Variants in KIF17 observed in about 807,000 individuals in gnomAD.
The protein encoded by KIF17 is kinesin-like protein KIF17.
Under a neutral mutation model 96.8 loss-of-function variants are expected in KIF17, and 80 were observed. The ratio of observed to expected loss-of-function variants is 0.83; its 90% CI spans 0.69 to 1.00. The LOEUF is 1.00. Among genes scored for constraint, KIF17 ranks in the 50% least tolerant of loss-of-function variants. KIF17 has a pLI of 0.00. For missense variants in KIF17, 1,280 were observed against 1,372.9 expected, an observed-to-expected ratio of 0.93 and a Z score of 1.07; for synonymous variants, 567 against 587.5, an observed-to-expected ratio of 0.97 and a Z score of 0.51.
In KIF17 at chr1:20,698,489, C is replaced by T. The variant is rs938076656; in HGVS notation, c.1124-1G>A. The T allele has an allele frequency of 4.4e-6, 7 of 1,608,816 alleles. No individual in the cohort carries two copies. Among genetic ancestry groups the T allele is most frequent in the Non-Finnish European group, 5.9e-6 (7 of 1,176,618 alleles). On this transcript the variant is annotated splice_acceptor_variant, in intron 5 of 14. Coordinates refer to ENST00000400463, the MANE Select transcript of KIF17 (RefSeq NM_001122819.3). LOFTEE classifies it high-confidence loss of function. ...GGGGGCACCTGCCTGGACAGCAGGG[C>T]TGGGGGAGAAACAGAAATTAGCAGC...
At chr1:20,714,199 T>C (rs546209925) in intron 2 of KIF17, among the ~76,000 whole-genome samples, 21 of 152,162 alleles carry the variant, frequency 1.4e-4, no homozygotes, top group South Asian at 6.2e-4. Context: ...TGGTGGTGGG[T>C]GCCTGTAGTC....
rs1557606328 is a variant in KIF17 at position 20,712,606 on chromosome 1, A to ATAGATATTATC, written c.480+847_480+848insGATAATATCTA. The stretch of plus-strand genomic sequence containing the variant: ...TCTATATATATATCTATATATATCT[A>ATAGATATTATC]TATATATATAATATAGATAATATCT... On this transcript the variant is annotated intron_variant, in intron 3 of 14. Coordinates refer to ENST00000400463, the MANE Select transcript of KIF17 (RefSeq NM_001122819.3). 7.8e-4 allele frequency among the ~76,000 whole-genome samples: 9 copies of ATAGATATTATC among 11,518 alleles called. 1 individual carries two copies. The highest frequency in any genetic ancestry group is 7.4e-3 in the East Asian group (2 of 272). The allele number at this position is 11,518 out of a possible 152,430, so 7.6% of individuals were successfully genotyped here.
intron 5 of KIF17, 48 bp from the exon 6 acceptor site, chr1:20,698,536 T>C: frequency 8.1e-7 from 1 of 1,241,160 alleles, no homozygotes; most frequent in Non-Finnish European, 1.2e-6. Context: ...GCACATTGTG[T>C]GCAGGAACTA....
chr1:20,666,163 A>C, intron 14 of KIF17, 51 bp downstream of exon 14: 2 of 1,337,726 alleles, frequency 1.5e-6, no homozygotes, highest in Non-Finnish European at 2.2e-6. Context: ...TATCCCCTTC[A>C]CGCCTCTCCC....
intron 8 of KIF17, 49 bp from the exon 9 acceptor site, chr1:20,686,175 A>T (rs370241789): frequency 5.8e-4 from 867 of 1,489,522 alleles, no homozygotes; most frequent in Non-Finnish European, 7.4e-4. Flanking sequence ...TTTGGGCCAG[A>T]ACCATCCTTT....
rs371823681 is a variant in KIF17, at chr1:20,698,366, G to A, written c.1233+13C>T. On this transcript the variant is annotated intron_variant, in intron 6 of 14. Transcript: ENST00000400463. ...CTGTCCCTTCTCCATGTTCCCACCCGCTTGGGTCTCACCTCCCGGATCAGC... is the reference window on the plus strand; with the variant it reads ...CTGTCCCTTCTCCATGTTCCCACCCACTTGGGTCTCACCTCCCGGATCAGC... The A allele has an allele frequency of 1.8e-5, 28 of 1,596,826 alleles. No individual in the cohort carries two copies. Among genetic ancestry groups the A allele is most frequent in the East Asian group, 1.1e-4 (5 of 44,806 alleles).
At chr1:20,703,165 A>AGATTG (rs2054268275) in intron 5 of KIF17, among the ~76,000 whole-genome samples, 2 of 86,742 alleles carry the variant, frequency 2.3e-5, no homozygotes, top group South Asian at 6.4e-4. Flanking sequence ...GGAAGGATGG[A>AGATTG]GATGGATGGA....
Position 20,699,700 on chromosome 1 carries a change from CA to C in KIF17, c.1124-1213del, listed in dbSNP as rs112254815. ...TGCTAGACAGGGGGAGCTTGCTAGACAGGGGGAGCGGTGAGTGCGAGGGCCC... is the reference window on the plus strand; with the variant it reads ...TGCTAGACAGGGGGAGCTTGCTAGACGGGGGAGCGGTGAGTGCGAGGGCCC... On this transcript the variant is annotated intron_variant, in intron 5 of 14. Transcript: ENST00000400463. This position sits in a 1 kb window ranked among gnomAD's most constrained non-coding sequence, Gnocchi z 4.3. 2.2e-3 allele frequency among the ~76,000 whole-genome samples: 319 copies of C among 145,552 alleles called. 1 individual carries two copies. The highest frequency in any genetic ancestry group is 8.5e-3 in the African/African-American group (300 of 35,200).
intron 11 of KIF17, among the ~76,000 whole-genome samples, chr1:20,674,182 GC>G (rs764254536): frequency 1.3e-5 from 2 of 152,134 alleles, no homozygotes; most frequent in East Asian, 3.8e-4. Context: ...TTCTGCCTCG[GC>G]CCCTCAAAGT....
rs750363854 is a variant in KIF17, at chr1:20,713,527, C to T, written c.407G>A (p.Arg136Gln). ...QCAENTKFLV[R>Q]ASYLEIYNED... ...ATTGTAGATCTCCAGGTAGGAGGCC[C>T]GGACCAGGAACTTAGTGTTCTCTGC... is the stretch of plus-strand genomic sequence containing the variant. Residue 136 changes from arginine to glutamine, a missense_variant, in exon 3 of 15, where the codon CGG becomes CAG. Physicochemically the swap from Arg to Gln is conservative, Grantham distance 43 (BLOSUM62 1). Coordinates refer to ENST00000400463, the MANE Select transcript of KIF17 (RefSeq NM_001122819.3). 43 of 1,611,958 alleles carry T rather than the reference C, an allele frequency of 2.7e-5. No homozygotes were observed. Among genetic ancestry groups the T allele is most frequent in the East Asian group, 1.6e-4 (7 of 44,780 alleles).
chr1:20,688,984 C>T (rs1474756029), intron 7 of KIF17, among the ~76,000 whole-genome samples: 3 of 152,180 alleles, frequency 2.0e-5, no homozygotes, highest in South Asian at 4.1e-4. Flanking sequence ...ATTTCTTTAT[C>T]GTTATGTCCC....
intron 3 of KIF17, 140 bp downstream of exon 3, chr1:20,713,314 T>TAAAA: frequency 9.6e-6 from 5 of 521,454 alleles, no homozygotes; most frequent in Admixed American, 3.6e-5. Context: ...TTTTTTTAAT[T>TAAAA]AAAAAAAAAA....
At chr1:20,673,316 A>C (rs1411892942) in intron 11 of KIF17, among the ~76,000 whole-genome samples, 1 of 152,196 alleles carries the variant, frequency 6.6e-6, no homozygotes, top group East Asian at 1.9e-4. Flanking sequence ...ATGGGTGGGC[A>C]GGACAGCCAC....
chr1:20,712,155 T>A (rs1337356017), intron 3 of KIF17, among the ~76,000 whole-genome samples: 1 of 151,976 alleles, frequency 6.6e-6, no homozygotes, highest in Non-Finnish European at 1.5e-5. Context: ...CTTTCTAGGG[T>A]CCAGGGTAGT....
At chr1:20,662,016 A>G (rs766894610), downstream of KIF17, among the ~76,000 whole-genome samples, 2 of 152,226 alleles carry the variant, frequency 1.3e-5, no homozygotes, top group African/African-American at 2.4e-5. Context: ...TCCATTTCCA[A>G]GTTGCATCTC....
chr1:20,675,364 C>A (rs945564200), intron 11 of KIF17, among the ~76,000 whole-genome samples: 1 of 151,342 alleles, frequency 6.6e-6, no homozygotes, highest in Admixed American at 6.6e-5. Context: ...AGGAGAATGG[C>A]GTGAACCCCG....
intron 13 of KIF17, among the ~76,000 whole-genome samples, chr1:20,667,729 C>T (rs2053552558): frequency 6.6e-6 from 1 of 152,202 alleles, no homozygotes; most frequent in Non-Finnish European, 1.5e-5. Context: ...AGACATAGGC[C>T]AGGAGCAGTG....
rs185607001 is a variant in KIF17 at position 20,668,349 on chromosome 1, C to G, written c.2791-2018G>C. ...AGGTGAAGACAGACACAGACCCTGA[C>G]TGTTTCAGCCCCTAGATCCAGCCGT... On this transcript the variant is annotated intron_variant, in intron 13 of 14. Coordinates refer to ENST00000400463, the MANE Select transcript of KIF17 (RefSeq NM_001122819.3). 2.1e-3 allele frequency among the ~76,000 whole-genome samples: 318 copies of G among 152,244 alleles called. 3 individuals are homozygous for G. The highest frequency in any genetic ancestry group is 0.01 in the Middle Eastern group (3 of 290).
rs2054218510 is a variant in KIF17, at chr1:20,700,697, G to A, written c.1124-2209C>T. ...GGGACTTGCTGGGCAGGGTTAGACT[G>A]CCCTTCAGGGCGAGCGAATTCCTAG... On this transcript the variant is annotated intron_variant, in intron 5 of 14. Transcript: ENST00000400463. This position sits in a 1 kb window ranked among gnomAD's most constrained non-coding sequence, Gnocchi z 4.6. 6.6e-6 allele frequency among the ~76,000 whole-genome samples: 1 copy of A among 152,162 alleles called. No individual in the cohort carries two copies. The highest frequency in any genetic ancestry group is 2.1e-4 in the South Asian group (1 of 4,828).
Sources: gnomAD v4.1 joint callset for allele counts (sites outside exome capture counted in the v4.1 genomes callset) on GRCh38, gnomAD v4.1.1 for gene constraint, Gnocchi (gnomAD v3.1) non-coding constraint, MANE v1.5 for transcripts, NCBI Gene and HGNC (gene_info 2026-07-23, HGNC 2026-07-21) for gene names.